ZFHX3: variants seen among roughly 807,000 people sequenced by gnomAD.
The protein encoded by ZFHX3 is zinc finger homeobox protein 3.
Under a neutral mutation model 279.1 loss-of-function variants are expected in ZFHX3, and 42 were observed. The observed-to-expected ratio is 0.15, with a 90% CI of 0.12 to 0.19. The LOEUF (loss-of-function observed/expected upper bound fraction) is 0.19. Ranked by LOEUF, ZFHX3 falls within the 10% of genes least tolerant of loss-of-function variation. The pLI is 1.00. For synonymous variants in ZFHX3, 2,293 were observed against 1,957.8 expected (o/e 1.17, Z -4.52); for missense variants, 4,981 against 4,754.0 (o/e 1.05, Z -1.40).
intron 7 of ZFHX3, among the ~76,000 whole-genome samples, chr16:72,803,310 C>T (rs1012815444): frequency 2.6e-5 from 4 of 152,104 alleles, no homozygotes; most frequent in East Asian, 3.9e-4. Flanking sequence ...CCAGCCTGGG[C>T]GACAGAGTGA....
intron 5 of ZFHX3, among the ~76,000 whole-genome samples, chr16:73,216,912 G>A (rs4075332): frequency 0.066 from 10,098 of 152,294 alleles, 485 homozygotes; most frequent in Non-Finnish European, 0.11. Context: ...GAGACAGATA[G>A]TGGTGCAAAT....
At chr16:73,478,360 C>G (rs577332165) in intron 2 of ZFHX3, among the ~76,000 whole-genome samples, 2 of 151,686 alleles carry the variant, frequency 1.3e-5, no homozygotes, top group African/African-American at 2.4e-5. Flanking sequence ...GATTAAAAGT[C>G]TGATGCTCTA....
chr16:73,155,087 G>T (rs9938034), intron 5 of ZFHX3, among the ~76,000 whole-genome samples: 7 of 150,514 alleles, frequency 4.7e-5, no homozygotes, highest in African/African-American at 9.8e-5. Context: ...CACAAGAATC[G>T]CTTGAATGTG....
At chr16:73,476,705 A>G (rs1393783054) in intron 2 of ZFHX3, among the ~76,000 whole-genome samples, 1 of 152,218 alleles carries the variant, frequency 6.6e-6, no homozygotes, top group African/African-American at 2.4e-5. Flanking sequence ...GCTTTTTACC[A>G]TGAATTTGTG....
chr16:73,164,710 A>C (rs1158819405), intron 5 of ZFHX3, among the ~76,000 whole-genome samples: 1 of 152,026 alleles, frequency 6.6e-6, no homozygotes, highest in Non-Finnish European at 1.5e-5. Flanking sequence ...AAAAAAAAAA[A>C]AAAAAAGACA....
At chr16:73,547,198 C>A (rs1475582837) in intron 2 of ZFHX3, among the ~76,000 whole-genome samples, 2 of 152,100 alleles carry the variant, frequency 1.3e-5, no homozygotes, top group Non-Finnish European at 2.9e-5. Flanking sequence ...ATTTCCTCCC[C>A]TCCTGCACAT....
rs67553147 is a variant in ZFHX3 at position 73,188,866 on chromosome 16, CTT to C, written c.-1103-45037_-1103-45036del. 8.2e-3 allele frequency among the ~76,000 whole-genome samples: 1,132 copies of C among 138,792 alleles called. 15 individuals carry two copies. Among genetic ancestry groups the C allele is most frequent in the African/African-American group, 0.023 (857 of 37,502 alleles). 91.1% of individuals were successfully genotyped at this position (138,792 alleles called of 152,430 possible). On this transcript the variant is annotated intron_variant, in intron 5 of 17. Coordinates refer to the ZFHX3 transcript ENST00000641206. ...GGCTAGCGTCTGGATATTTCTTTTTCTTTTTTTTTTTTTTTGAGATGGAGTCT... is the reference window on the plus strand; with the variant it reads ...GGCTAGCGTCTGGATATTTCTTTTTCTTTTTTTTTTTTTGAGATGGAGTCT...
At chr16:73,169,442 C>A (rs1381136793) in intron 5 of ZFHX3, among the ~76,000 whole-genome samples, 1 of 152,050 alleles carries the variant, frequency 6.6e-6, no homozygotes, top group Non-Finnish European at 1.5e-5. Flanking sequence ...CACTTCTGGG[C>A]AGTATCTGGG....
chr16:72,815,674 A>G (rs552988564), intron 5 of ZFHX3, among the ~76,000 whole-genome samples: 1 of 152,254 alleles, frequency 6.6e-6, no homozygotes, highest in Non-Finnish European at 1.5e-5. Context: ...TCTAGAAGAC[A>G]TGTCACAATA....
chr16:73,834,200 A>T (rs533133337), intron 1 of ZFHX3, among the ~76,000 whole-genome samples: 1 of 152,152 alleles, frequency 6.6e-6, no homozygotes, highest in East Asian at 1.9e-4. Flanking sequence ...CCAGGAAATC[A>T]CTCTCTGGTC....
intron 2 of ZFHX3, among the ~76,000 whole-genome samples, chr16:73,530,721 A>AT (rs1361186188): frequency 6.6e-6 from 1 of 152,130 alleles, no homozygotes. Context: ...TCTTTTATAC[A>AT]TTTTGCTGTC....
chr16:73,057,990 G>A (rs1458472287), intron 1 of ZFHX3, among the ~76,000 whole-genome samples: 2 of 147,720 alleles, frequency 1.4e-5, no homozygotes, highest in East Asian at 3.9e-4. Flanking sequence ...TGGGGGCCGG[G>A]AGCGGCGGGG....
chr16:73,088,928 G>C (rs1486658632), intron 8 of ZFHX3, among the ~76,000 whole-genome samples: 1 of 152,126 alleles, frequency 6.6e-6, no homozygotes, highest in Non-Finnish European at 1.5e-5. Context: ...AGGGCAGGTG[G>C]CAGCCAGAGA....
At chr16:72,934,323 G>T (rs1959996071) in intron 3 of ZFHX3, among the ~76,000 whole-genome samples, 1 of 152,170 alleles carries the variant, frequency 6.6e-6, no homozygotes, top group South Asian at 2.1e-4. Context: ...AGCTACTTGG[G>T]AGGCTGAGGC....
chr16:72,860,796 C>T (rs573986279), intron 4 of ZFHX3, among the ~76,000 whole-genome samples: 2 of 152,352 alleles, frequency 1.3e-5, no homozygotes, highest in Admixed American at 1.3e-4. Context: ...CAGAACACAA[C>T]ACCTCAGGGA....
chr16:73,685,224 G>A (rs745693074), intron 1 of ZFHX3, among the ~76,000 whole-genome samples: 1 of 151,090 alleles, frequency 6.6e-6, no homozygotes, highest in Non-Finnish European at 1.5e-5. Context: ...CACCGTGTTG[G>A]CCCAGATGGT....
intron 4 of ZFHX3, among the ~76,000 whole-genome samples, chr16:72,844,449 G>T (rs941556180): frequency 5.3e-5 from 8 of 152,030 alleles, no homozygotes; most frequent in Admixed American, 2.0e-4. Flanking sequence ...ATGTTTCTTT[G>T]TAACTGAGGC....
intron 5 of ZFHX3, among the ~76,000 whole-genome samples, chr16:73,174,622 C>T (rs954158387): frequency 5.9e-5 from 9 of 152,046 alleles, no homozygotes; most frequent in Non-Finnish European, 1.2e-4. Context: ...GTCACATCTC[C>T]TCTTGCTGGA....
At chr16:72,889,070 G>C (rs890109534) in intron 4 of ZFHX3, among the ~76,000 whole-genome samples, 2 of 151,958 alleles carry the variant, frequency 1.3e-5, no homozygotes, top group African/African-American at 4.8e-5. Context: ...GAGGGAGGGA[G>C]GGAGGTGGGG....
Sources: gnomAD v4.1 joint callset for allele counts (sites outside exome capture counted in the v4.1 genomes callset) on GRCh38, gnomAD v4.1.1 for gene constraint, MANE v1.5 for transcripts, NCBI Gene and HGNC (gene_info 2026-07-23, HGNC 2026-07-21) for gene names.